Variants in HDAC4 observed in about 807,000 individuals in gnomAD.
HDAC4 encodes the protein histone deacetylase 4, also known as histone deacetylase A.
Under a neutral mutation model 135.1 loss-of-function variants are expected in HDAC4, and 16 were observed. That is an observed-to-expected ratio of 0.12 (90% CI 0.08 to 0.18). HDAC4 has a LOEUF of 0.18. Among genes scored for constraint, HDAC4 ranks in the 10% least tolerant of loss-of-function variants. The pLI is 1.00. For missense variants in HDAC4, 1,143 were observed against 1,511.8 expected (o/e 0.76, Z 4.05); for synonymous variants, 685 against 653.4 (o/e 1.05, Z -0.74).
rs559238058 is a variant in HDAC4, at chr2:239,093,502, G to A, written c.2280+1508C>T. Among the ~76,000 whole-genome samples, 54 of 152,338 alleles carry A rather than the reference G, an allele frequency of 3.5e-4. No individual in the cohort carries two copies. In the South Asian group the frequency reaches 8.5e-3, roughly 24 times the overall value. On this transcript the variant is annotated intron_variant, in intron 17 of 26. Coordinates refer to ENST00000543185, the MANE Select transcript of HDAC4 (RefSeq NM_001378414.1). ...CCACACCAGGGCAGGGGTCTGCACCGGCCTCCTGTCTGTCTTCTTCCTTTT... is the reference window on the plus strand; with the variant it reads ...CCACACCAGGGCAGGGGTCTGCACCAGCCTCCTGTCTGTCTTCTTCCTTTT...
chr2:239,107,558 T>C (rs955434444), intron 15 of HDAC4, among the ~76,000 whole-genome samples: 1 of 152,222 alleles, frequency 6.6e-6, no homozygotes, highest in Non-Finnish European at 1.5e-5. Flanking sequence ...CCCAAGGGCC[T>C]GAGGTCTCCC....
intron 3 of HDAC4, among the ~76,000 whole-genome samples, chr2:239,226,176 T>C (rs2047229688): frequency 6.6e-6 from 1 of 152,088 alleles, no homozygotes. Context: ...AGAAAAAAGA[T>C]AAAAAGCCCT....
rs528309960 is a variant in HDAC4, at chr2:239,068,717, G to A, written c.2751-110C>T. ...GATAATGCCTGCCCCGCACCCCCTC[G>A]GCCACTGGCGGGCTGAGGGCTCCAC... On this transcript the variant is annotated intron_variant, in intron 22 of 26. Transcript: ENST00000543185. This position sits in a 1 kb window ranked among gnomAD's most constrained non-coding sequence, Gnocchi z 4.4. The A allele has an allele frequency of 1.1e-4, 101 of 929,286 alleles. No individual in the cohort carries two copies. Among genetic ancestry groups the A allele is most frequent in the Non-Finnish European group, 1.5e-4 (86 of 564,390 alleles). The allele number at this position is 929,286 out of a possible 1,614,324, so 57.6% of individuals were successfully genotyped here. A position where few individuals can be genotyped will look rare whatever the true frequency, so the allele number is the denominator to read the frequency against.
chr2:239,394,933 C>CAGTT (rs1375729741), intron 1 of HDAC4, among the ~76,000 whole-genome samples: 1 of 152,236 alleles, frequency 6.6e-6, no homozygotes, highest in East Asian at 1.9e-4. Flanking sequence ...TGGCATTAAA[C>CAGTT]AACTAAGGTC....
intron 1 of HDAC4, among the ~76,000 whole-genome samples, chr2:239,360,832 TC>T (rs34750905): frequency 6.6e-6 from 1 of 152,174 alleles, no homozygotes; most frequent in African/African-American, 2.4e-5. Flanking sequence ...GATTCTTTTC[TC>T]CCCATAGAAG....
At chr2:239,192,603 G>A (rs1056543208) in intron 3 of HDAC4, among the ~76,000 whole-genome samples, 6 of 152,266 alleles carry the variant, frequency 3.9e-5, no homozygotes, top group African/African-American at 1.2e-4. Context: ...CTACGGGTCC[G>A]GCTCTCACAA....
intron 6 of HDAC4, chr2:239,162,204 C>T (rs532165421): frequency 4.4e-6 from 2 of 456,792 alleles, no homozygotes; most frequent in South Asian, 3.1e-5. Context: ...GCTGCCCGTG[C>T]TTGCCCCACT....
rs78594822 is a variant in HDAC4, at chr2:239,095,437, A to G, written c.2234-381T>C. On this transcript the variant is annotated intron_variant, in intron 16 of 26. Transcript: ENST00000543185. ...CAGCAAATCCTGCTCCAGGACCCCG[A>G]GCCTGGCTCCTCAGTGAGCTCCTAG... 6.6e-3 allele frequency among the ~76,000 whole-genome samples: 1,000 copies of G among 152,212 alleles called. 10 individuals carry two copies. The highest frequency in any genetic ancestry group is 0.023 in the African/African-American group (941 of 41,520).
intron 9 of HDAC4, among the ~76,000 whole-genome samples, chr2:239,138,491 C>T (rs1284037303): frequency 6.6e-6 from 1 of 152,232 alleles, no homozygotes; most frequent in East Asian, 1.9e-4. Context: ...TTATAGCCTT[C>T]TGTAAGTTGG....
chr2:239,243,457 AATTAAC>A lies in HDAC4; in HGVS notation c.23-6799_23-6794del, dbSNP rs2048306969. Among the ~76,000 whole-genome samples the A allele has an allele frequency of 1.4e-4, 22 of 152,268 alleles. No individual in the cohort carries two copies. The South Asian group carries it at 4.1e-3, about 29-fold the overall frequency. On this transcript the variant is annotated intron_variant, in intron 2 of 26. Coordinates refer to ENST00000543185, the MANE Select transcript of HDAC4 (RefSeq NM_001378414.1). Reference sequence around the variant, plus strand: ...GTGAGCCACCGCTCCCGGCTGGATAAATTAACATTCTAAAGTGTGTTTGGTGGGGGG... The same window carrying A: ...GTGAGCCACCGCTCCCGGCTGGATAAATTCTAAAGTGTGTTTGGTGGGGGG...
chr2:239,096,895 C>T (rs1002933101), intron 16 of HDAC4, among the ~76,000 whole-genome samples: 5 of 152,132 alleles, frequency 3.3e-5, no homozygotes, highest in African/African-American at 1.2e-4. Context: ...GTAGAATGGC[C>T]ACGTCCACGG....
At chr2:239,215,846 A>G (rs1307459546) in intron 3 of HDAC4, among the ~76,000 whole-genome samples, 1 of 152,152 alleles carries the variant, frequency 6.6e-6, no homozygotes, top group Non-Finnish European at 1.5e-5. Flanking sequence ...GTTCATAAAA[A>G]ATCACCCTGA....
intron 2 of HDAC4, among the ~76,000 whole-genome samples, chr2:239,318,021 G>A (rs2053176646): frequency 6.6e-6 from 1 of 151,884 alleles, no homozygotes; most frequent in Non-Finnish European, 1.5e-5. Context: ...CCTGAATGTA[G>A]CAAGAACGGT....
intron 1 of HDAC4, among the ~76,000 whole-genome samples, chr2:239,378,562 C>T (rs1695188764): frequency 6.6e-6 from 1 of 152,150 alleles, no homozygotes; most frequent in Non-Finnish European, 1.5e-5. Context: ...CTCTGCAGGC[C>T]TCCATGGGCT....
At chr2:239,329,173 A>G (rs1193920001) in intron 2 of HDAC4, among the ~76,000 whole-genome samples, 1 of 133,740 alleles carries the variant, frequency 7.5e-6, no homozygotes, top group African/African-American at 2.9e-5. Context: ...CCTCCCCACC[A>G]GCCGATCCTG....
At chr2:239,064,762 G>A (rs1366874340) in intron 24 of HDAC4, among the ~76,000 whole-genome samples, 1 of 152,170 alleles carries the variant, frequency 6.6e-6, no homozygotes, top group Non-Finnish European at 1.5e-5. Context: ...TTTGCACTGG[G>A]AAGAAGACAC....
intron 2 of HDAC4, among the ~76,000 whole-genome samples, chr2:239,258,116 A>G (rs1181841069): frequency 6.6e-6 from 1 of 152,248 alleles, no homozygotes; most frequent in African/African-American, 2.4e-5. Context: ...AGAGAATTCT[A>G]GAACTGAAAA....
At chr2:239,165,892 AT>A (rs1315553500) in intron 5 of HDAC4, among the ~76,000 whole-genome samples, 1 of 152,120 alleles carries the variant, frequency 6.6e-6, no homozygotes, top group African/African-American at 2.4e-5. Context: ...ATAAGCCATC[AT>A]TTTAATTTTA....
intron 2 of HDAC4, among the ~76,000 whole-genome samples, chr2:239,347,811 G>A (rs1692821066): frequency 6.6e-6 from 1 of 152,246 alleles, no homozygotes; most frequent in African/African-American, 2.4e-5. Flanking sequence ...CACCGCACCC[G>A]GCCACTTATT....
Sources: gnomAD v4.1 joint callset for allele counts (sites outside exome capture counted in the v4.1 genomes callset) on GRCh38, gnomAD v4.1.1 for gene constraint, Gnocchi (gnomAD v3.1) non-coding constraint, MANE v1.5 for transcripts, NCBI Gene and HGNC (gene_info 2026-07-23, HGNC 2026-07-21) for gene names.